PLA2G4C: variants seen among roughly 807,000 people sequenced by gnomAD.
PLA2G4C encodes the protein cytosolic phospholipase A2 gamma.
In PLA2G4C, 64 loss-of-function variants were observed where a neutral mutation model predicts 73.8. The observed-to-expected ratio is 0.87, with a 90% confidence interval of 0.71 to 1.07. The LOEUF (loss-of-function observed/expected upper bound fraction) is 1.07. Among genes scored for constraint, PLA2G4C ranks in the 50% least tolerant of loss-of-function variants. The pLI is 0.00. For missense variants in PLA2G4C, 622 were observed against 665.4 expected, an observed-to-expected ratio of 0.93 and a Z score of 0.72; for synonymous variants, 254 against 252.1, an observed-to-expected ratio of 1.01 and a Z score of -0.07.
At chr19:48,083,392 C>CTTTTTTTTTTTTTTTTTGTTTTTTTTT (rs2030748245) in intron 10 of PLA2G4C, among the ~76,000 whole-genome samples, 1 of 105,836 alleles carries the variant, frequency 9.4e-6, no homozygotes, top group Non-Finnish European at 1.9e-5. Context: ...ATTTTCTTTT[C>CTTTTTTTTTTTTTTTTTGTTTTTTTTT]TTTTTTTTTT....
At chr19:48,052,910 A>G (rs2307277) in intron 16 of PLA2G4C, 87 bp downstream of exon 16, 33,887 of 1,420,730 alleles carry the variant, frequency 0.024, 877 homozygotes, top group African/African-American at 0.11. Context: ...CACCCATGCA[A>G]CCCTCCTGCC....
chr19:48,090,597 C>G (rs1285238257), intron 7 of PLA2G4C, 180 bp from the exon 8 acceptor site: 7 of 615,262 alleles, frequency 1.1e-5, no homozygotes, highest in Admixed American at 2.7e-5. Context: ...ACTCTTCTGG[C>G]TGTTGGAATA....
chr19:48,095,677 A>G, intron 6 of PLA2G4C, 73 bp from the exon 7 acceptor site: 1 of 1,445,488 alleles, frequency 6.9e-7, no homozygotes, highest in Non-Finnish European at 9.7e-7. Flanking sequence ...AGGAAAAAGA[A>G]ATCTATTAAT....
chr19:48,069,324 G>C (rs1312480189), intron 12 of PLA2G4C, among the ~76,000 whole-genome samples: 2 of 152,064 alleles, frequency 1.3e-5, no homozygotes, highest in Non-Finnish European at 2.9e-5. Context: ...TTCTCTTTAG[G>C]TTCATGGGGG....
At chr19:48,079,387 C>G (rs1020762217) in intron 10 of PLA2G4C, among the ~76,000 whole-genome samples, 1 of 152,106 alleles carries the variant, frequency 6.6e-6, no homozygotes, top group Admixed American at 6.6e-5. Flanking sequence ...GCCAAGTGAT[C>G]TTCGACAAAG....
In PLA2G4C at chr19:48,068,097, A is replaced by T. The variant is rs549032398; in HGVS notation, c.1007-211T>A. Among the ~76,000 whole-genome samples the T allele has an allele frequency of 1.2e-4, 18 of 152,262 alleles. No homozygotes were observed. The South Asian group carries it at 3.1e-3, about 26-fold the overall frequency. On this transcript the variant is annotated intron_variant, in intron 12 of 16. Coordinates refer to ENST00000599921, the MANE Select transcript of PLA2G4C (RefSeq NM_003706.3). Reference sequence around the variant, plus strand: ...GGCAGAAGGATCACCATATCAAGAGATCGAGACCATCCTGGCCAACATGGT... The same window carrying T: ...GGCAGAAGGATCACCATATCAAGAGTTCGAGACCATCCTGGCCAACATGGT...
chr19:48,102,061 C>G (rs1300865567), intron 4 of PLA2G4C, among the ~76,000 whole-genome samples: 1 of 152,066 alleles, frequency 6.6e-6, no homozygotes, highest in Non-Finnish European at 1.5e-5. Context: ...CCTAGTCTGA[C>G]AAAAGGAATG....
intron 15 of PLA2G4C, among the ~76,000 whole-genome samples, chr19:48,053,670 GC>G (rs913007298): frequency 3.4e-4 from 47 of 136,496 alleles, no homozygotes; most frequent in African/African-American, 1.4e-3. Context: ...ACCGCGCCTG[GC>G]CCCCTGCTTC....
intron 10 of PLA2G4C, among the ~76,000 whole-genome samples, chr19:48,083,392 C>CTTTTTTTTTTTTTTTTTTTTTT: frequency 1.9e-5 from 2 of 105,838 alleles, no homozygotes; most frequent in African/African-American, 3.6e-5. Flanking sequence ...ATTTTCTTTT[C>CTTTTTTTTTTTTTTTTTTTTTT]TTTTTTTTTT....
intron 13 of PLA2G4C, among the ~76,000 whole-genome samples, chr19:48,063,406 A>G (rs1302831625): frequency 6.6e-6 from 1 of 152,140 alleles, no homozygotes; most frequent in Admixed American, 6.6e-5. Context: ...TATCTCAGTG[A>G]GCAGAGGGTG....
At chr19:48,095,418 C>T in intron 7 of PLA2G4C, 46 bp downstream of exon 7, 1 of 1,590,008 alleles carries the variant, frequency 6.3e-7, no homozygotes. Context: ...CTTGCCTCTC[C>T]TCCACTTCCC....
chr19:48,103,955 G>A (rs2032040556), intron 4 of PLA2G4C: 1 of 151,980 alleles, frequency 6.6e-6, no homozygotes, highest in Admixed American at 6.6e-5. Context: ...CCAGGCTGGT[G>A]TGCAGTGGTG....
intron 9 of PLA2G4C, among the ~76,000 whole-genome samples, chr19:48,085,500 T>C (rs1406325067): frequency 1.3e-5 from 2 of 152,156 alleles, no homozygotes; most frequent in Non-Finnish European, 2.9e-5. Flanking sequence ...TGCAGATTTA[T>C]GGGGGCACTT....
chr19:48,099,120 T>C (rs2031768772), intron 5 of PLA2G4C, among the ~76,000 whole-genome samples: 1 of 150,890 alleles, frequency 6.6e-6, no homozygotes, highest in East Asian at 2.0e-4. Flanking sequence ...AATTAAAAAT[T>C]AGCCAGGCAC....
chr19:48,048,168 C>A lies in PLA2G4C; in HGVS notation c.*175G>T. 1 of 571,868 alleles carries A rather than the reference C, an allele frequency of 1.7e-6. No individual in the cohort carries two copies. The highest frequency in any genetic ancestry group is 2.2e-5 in the South Asian group (1 of 45,078). The allele number at this position is 571,868 out of a possible 1,614,324, so 35.4% of individuals were successfully genotyped here. On this transcript the variant is annotated 3_prime_UTR_variant, in exon 17 of 17. Coordinates refer to ENST00000599921, the MANE Select transcript of PLA2G4C (RefSeq NM_003706.3). ...TCCTTGGACGCCTTCTTCTGAATGACGCTATCAAAATCACAGTCTAGCTGG... is the reference window on the plus strand; with the variant it reads ...TCCTTGGACGCCTTCTTCTGAATGAAGCTATCAAAATCACAGTCTAGCTGG...
intron 13 of PLA2G4C, among the ~76,000 whole-genome samples, chr19:48,063,399 C>G (rs1400805024): frequency 1.3e-5 from 2 of 152,154 alleles, no homozygotes; most frequent in Non-Finnish European, 2.9e-5. Flanking sequence ...ACGCATTTAT[C>G]TCAGTGAGCA....
chr19:48,068,510 A>C (rs12973624), intron 12 of PLA2G4C, among the ~76,000 whole-genome samples: 1 of 151,462 alleles, frequency 6.6e-6, no homozygotes, highest in East Asian at 2.0e-4. Context: ...GAGCGAGACC[A>C]CATCTTTACA....
chr19:48,053,068 G>C lies in PLA2G4C; in HGVS notation c.1509C>G (p.Leu503=). The change falls in exon 16 of 17, where the codon CTC becomes CTG. Residue 503 remains leucine, a synonymous_variant. Transcript: ENST00000599921. ...TGACATTCTTCTTGGCTAATGCCAA[G>C]AGTAGCACCACCACATCTAGAGTGT... ...DTYTLDVVVL[L]LALAKKNVRE... 1 of 1,613,568 alleles carries C rather than the reference G, an allele frequency of 6.2e-7. No individual in the cohort carries two copies. Among genetic ancestry groups the C allele is most frequent in the South Asian group, 1.1e-5 (1 of 91,028 alleles).
chr19:48,104,811 C>T (rs1464350409), intron 3 of PLA2G4C, 87 bp from the exon 4 acceptor site: 72 of 1,347,314 alleles, frequency 5.3e-5, no homozygotes, highest in Non-Finnish European at 6.1e-5. Flanking sequence ...GGCCGGGCAC[C>T]GTGGCTCACG....
Sources: gnomAD v4.1 joint callset for allele counts (sites outside exome capture counted in the v4.1 genomes callset) on GRCh38, gnomAD v4.1.1 for gene constraint, MANE v1.5 for transcripts, NCBI Gene and HGNC (gene_info 2026-07-23, HGNC 2026-07-21) for gene names.